GABBR2: variants seen among roughly 807,000 people sequenced by gnomAD.
The protein encoded by GABBR2 is gamma-aminobutyric acid type B receptor subunit 2.
Under a neutral mutation model 105.6 loss-of-function variants are expected in GABBR2, and 23 were observed. The observed-to-expected ratio is 0.22, with a 90% CI of 0.16 to 0.31. The LOEUF (loss-of-function observed/expected upper bound fraction) is 0.31, where lower values mean the gene tolerates loss of function less well. Among genes scored for constraint, GABBR2 ranks in the 10% least tolerant of loss-of-function variants. GABBR2 has a pLI of 1.00. For missense variants in GABBR2, 734 were observed against 1,245.5 expected (o/e 0.59, Z 6.18); for synonymous variants, 478 against 499.7 (o/e 0.96, Z 0.58).
In GABBR2 at chr9:98,542,011, G is replaced by T. The variant is rs533637833; in HGVS notation, c.492C>A (p.Ala164=). ...LSFAATTPVL[A]DKKKYPYFFR... ...AGAAATAAGGGTATTTTTTCTTATC[G>T]GCTAGAACAGGCGTGGTTGCAGCAA... Residue 164 remains alanine (A), a synonymous_variant, in exon 3 of 19, where the codon GCC becomes GCA. Coordinates refer to ENST00000259455, the MANE Select transcript of GABBR2 (RefSeq NM_005458.8). 1.9e-6 allele frequency: 3 copies of T among 1,614,072 alleles called. No homozygotes were observed. Among genetic ancestry groups the T allele is most frequent in the Admixed American group, 3.3e-5 (2 of 60,016 alleles).
chr9:98,655,777 G>A lies in GABBR2; in HGVS notation c.321+52640C>T, dbSNP rs148652548. ...CGCACGTTCTCACTCATAAGTGGGA[G>A]TTGAACAATGAGAACACATGGACAC... On this transcript the variant is annotated intron_variant, in intron 1 of 18. Coordinates refer to ENST00000259455, the MANE Select transcript of GABBR2 (RefSeq NM_005458.8). Among the ~76,000 whole-genome samples the A allele has an allele frequency of 2.7e-3, 415 of 152,292 alleles. 1 individual carries two copies. Among genetic ancestry groups the A allele is most frequent in the African/African-American group, 9.8e-3 (408 of 41,568 alleles).
intron 7 of GABBR2, among the ~76,000 whole-genome samples, chr9:98,428,991 T>G (rs990390281): frequency 3.9e-5 from 6 of 152,186 alleles, no homozygotes; most frequent in African/African-American, 1.4e-4. Context: ...TTGAGGCAGC[T>G]TTCTGGGTAG....
At chr9:98,639,855 C>A (rs1829935750) in intron 1 of GABBR2, among the ~76,000 whole-genome samples, 1 of 152,050 alleles carries the variant, frequency 6.6e-6, no homozygotes. Flanking sequence ...GAGACCTGCC[C>A]TGCCCGGCCT....
At chr9:98,343,720 T>C (rs1831254604) in intron 13 of GABBR2, among the ~76,000 whole-genome samples, 1 of 152,054 alleles carries the variant, frequency 6.6e-6, no homozygotes, top group Non-Finnish European at 1.5e-5. Context: ...TAGCCGGGTA[T>C]GGTGGCGGAC....
chr9:98,457,466 A>G (rs946855286), intron 6 of GABBR2, among the ~76,000 whole-genome samples: 3 of 152,160 alleles, frequency 2.0e-5, no homozygotes, highest in African/African-American at 4.8e-5. Context: ...GATCAAGATC[A>G]TATTGTCTAT....
intron 6 of GABBR2, among the ~76,000 whole-genome samples, chr9:98,465,735 T>C (rs1468924390): frequency 2.0e-5 from 3 of 152,228 alleles, no homozygotes; most frequent in African/African-American, 4.8e-5. Context: ...GCCTCACCCA[T>C]GCCCTGATGC....
intron 1 of GABBR2, among the ~76,000 whole-genome samples, chr9:98,659,653 T>G (rs987775137): frequency 2.0e-5 from 3 of 151,836 alleles, no homozygotes; most frequent in African/African-American, 7.3e-5. Context: ...CCCAAGTAGC[T>G]GGGATTACAG....
chr9:98,530,964 G>A (rs988358353), intron 3 of GABBR2, among the ~76,000 whole-genome samples: 1 of 152,160 alleles, frequency 6.6e-6, no homozygotes, highest in African/African-American at 2.4e-5. Context: ...TGCCCTGGGA[G>A]CCTGGCCCGG....
intron 2 of GABBR2, among the ~76,000 whole-genome samples, chr9:98,567,357 C>G (rs1022550722): frequency 6.6e-6 from 1 of 152,186 alleles, no homozygotes; most frequent in Admixed American, 6.5e-5. Flanking sequence ...ACCCTGCCCT[C>G]GATAGCATCC....
At chr9:98,413,006 C>T (rs574553217) in intron 7 of GABBR2, among the ~76,000 whole-genome samples, 1 of 152,322 alleles carries the variant, frequency 6.6e-6, no homozygotes, top group Admixed American at 6.5e-5. Context: ...TCTGGGTCTT[C>T]ATTCTGAAGG....
chr9:98,630,955 T>C (rs1014235781), intron 1 of GABBR2, among the ~76,000 whole-genome samples: 4 of 152,208 alleles, frequency 2.6e-5, no homozygotes, highest in Non-Finnish European at 5.9e-5. Flanking sequence ...AAGTACTCAC[T>C]AGCCACACGT....
At chr9:98,402,837 A>AT (rs1358600697) in intron 8 of GABBR2, among the ~76,000 whole-genome samples, 1 of 152,128 alleles carries the variant, frequency 6.6e-6, no homozygotes, top group East Asian at 1.9e-4. Context: ...TGGACGGCCT[A>AT]TTCAATAATC....
intron 1 of GABBR2, among the ~76,000 whole-genome samples, chr9:98,666,655 G>C (rs1268920810): frequency 1.3e-5 from 2 of 152,180 alleles, no homozygotes; most frequent in African/African-American, 4.8e-5. Flanking sequence ...TTACGGGCAT[G>C]AGCCACTGTG....
chr9:98,676,281 G>T (rs1830476703), intron 1 of GABBR2, among the ~76,000 whole-genome samples: 1 of 152,226 alleles, frequency 6.6e-6, no homozygotes, highest in South Asian at 2.1e-4. Flanking sequence ...TCCCTTCAGA[G>T]CCTCCAGAAG....
chr9:98,679,019 C>T (rs1261965205), intron 1 of GABBR2, among the ~76,000 whole-genome samples: 1 of 152,126 alleles, frequency 6.6e-6, no homozygotes, highest in Non-Finnish European at 1.5e-5. Flanking sequence ...GAACAAAGCC[C>T]TCTTAGCAAA....
At chr9:98,607,832 C>T in intron 1 of GABBR2, 5 of 1,017,260 alleles carry the variant, frequency 4.9e-6, no homozygotes, top group Non-Finnish European at 7.6e-6. Context: ...AGCCCTCCGG[C>T]ACAAATGGAA....
At chr9:98,348,375 CT>C (rs903425015) in intron 13 of GABBR2, among the ~76,000 whole-genome samples, 1 of 152,154 alleles carries the variant, frequency 6.6e-6, no homozygotes, top group African/African-American at 2.4e-5. Context: ...TGAATGCCTT[CT>C]GCTTTATATC....
At chr9:98,616,668 C>T (rs1297688502) in intron 1 of GABBR2, among the ~76,000 whole-genome samples, 1 of 151,642 alleles carries the variant, frequency 6.6e-6, no homozygotes, top group Non-Finnish European at 1.5e-5. Flanking sequence ...GCAGGAGAAT[C>T]GCTTGAACCC....
chr9:98,526,504 T>C (rs1464404784), intron 3 of GABBR2, among the ~76,000 whole-genome samples: 1 of 152,224 alleles, frequency 6.6e-6, no homozygotes, highest in Admixed American at 6.5e-5. Context: ...TTCACCACTC[T>C]CTGCATGGGA....
Sources: allele counts gnomAD v4.1 joint callset (sites outside exome capture counted in the v4.1 genomes callset), GRCh38; gene constraint gnomAD v4.1.1; transcripts MANE v1.5; gene names NCBI Gene and HGNC (gene_info 2026-07-23, HGNC 2026-07-21).